ARHGAP32: variants seen among roughly 807,000 people sequenced by gnomAD.
ARHGAP32 encodes rho GTPase-activating protein 32.
A neutral mutation model predicts 186.5 loss-of-function variants in ARHGAP32; 51 were observed. The observed-to-expected ratio is 0.27, with a 90% confidence interval of 0.22 to 0.35. The LOEUF is 0.35. Among genes scored for constraint, ARHGAP32 ranks in the 10% least tolerant of loss-of-function variants. The pLI, the probability that ARHGAP32 is intolerant of heterozygous loss-of-function variation, is 1.00. For missense variants in ARHGAP32, 2,186 were observed against 2,623.5 expected, an observed-to-expected ratio of 0.83 and a Z score of 3.64; for synonymous variants, 950 against 964.3, an observed-to-expected ratio of 0.99 and a Z score of 0.27.
chr11:129,255,539 A>C (rs1945243824), intron 1 of ARHGAP32, among the ~76,000 whole-genome samples: 1 of 152,092 alleles, frequency 6.6e-6, no homozygotes, highest in Non-Finnish European at 1.5e-5. Context: ...GATACACTGG[A>C]CTATATTAAG....
intron 1 of ARHGAP32, among the ~76,000 whole-genome samples, chr11:129,233,451 A>G (rs1376021726): frequency 3.3e-5 from 5 of 152,206 alleles, no homozygotes; most frequent in African/African-American, 1.2e-4. Context: ...TGGTGTGAAT[A>G]CAAAATAATA....
chr11:129,182,641 A>G (rs61911018), intron 1 of ARHGAP32, among the ~76,000 whole-genome samples: 2 of 147,548 alleles, frequency 1.4e-5, no homozygotes, highest in Non-Finnish European at 3.0e-5. Flanking sequence ...TATGTTTTCT[A>G]TTACCTTTTT....
chr11:128,968,703 CA>C lies in ARHGAP32; in HGVS notation c.*203del, dbSNP rs2136054624. 4.7e-6 allele frequency: 2 copies of C among 429,230 alleles called. No homozygotes were observed. The highest frequency in any genetic ancestry group is 2.1e-4 in the South Asian group (2 of 9,312). The allele number at this position is 429,230 out of a possible 1,614,324, so 26.6% of individuals were successfully genotyped here. On this transcript the variant is annotated 3_prime_UTR_variant, in exon 23 of 23. Coordinates refer to ENST00000682385, the MANE Select transcript of ARHGAP32 (RefSeq NM_001378024.1). The stretch of plus-strand genomic sequence containing the variant: ...CCATCCTTCAGATCTTTTCTAAAGA[CA>C]AAAATGACAAAGTCTATAGATGGAA...
chr11:129,224,814 C>T (rs10458994), intron 1 of ARHGAP32, among the ~76,000 whole-genome samples: 29,481 of 149,030 alleles, frequency 0.2, 3,101 homozygotes, highest in Non-Finnish European at 0.23. Flanking sequence ...CAAGCATTTG[C>T]CTAAAATATT....
intron 6 of ARHGAP32, among the ~76,000 whole-genome samples, chr11:129,082,458 A>G (rs1158241560): frequency 1.3e-5 from 2 of 152,176 alleles, no homozygotes; most frequent in Non-Finnish European, 2.9e-5. Flanking sequence ...AAATACAGCT[A>G]ACTGATCTTT....
intron 11 of ARHGAP32, among the ~76,000 whole-genome samples, chr11:129,032,525 G>A (rs1939158840): frequency 6.6e-6 from 1 of 152,108 alleles, no homozygotes; most frequent in Non-Finnish European, 1.5e-5. Context: ...TTTATAATGG[G>A]ATTTTACTGT....
At chr11:129,068,311 T>C (rs1160754030) in intron 6 of ARHGAP32, among the ~76,000 whole-genome samples, 1 of 152,098 alleles carries the variant, frequency 6.6e-6, no homozygotes, top group East Asian at 1.9e-4. Context: ...TGAATGTTCC[T>C]TTCCTTGCCT....
chr11:128,975,071 A>G (rs1754829927), intron 20 of ARHGAP32, 69 bp from the exon 21 acceptor site: 3 of 1,297,352 alleles, frequency 2.3e-6, no homozygotes, highest in Non-Finnish European at 3.2e-6. Flanking sequence ...TAAGTCACCT[A>G]CTCAGCACAG....
At chr11:129,092,147 A>C (rs1437280815) in intron 6 of ARHGAP32, among the ~76,000 whole-genome samples, 2 of 152,032 alleles carry the variant, frequency 1.3e-5, no homozygotes, top group Non-Finnish European at 2.9e-5. Flanking sequence ...TGAATATAAA[A>C]ATCAAGTAAC....
At chr11:129,124,068 T>C (rs1942599578) in intron 3 of ARHGAP32, 139 bp from the exon 4 acceptor site, 11 of 399,252 alleles carry the variant, frequency 2.8e-5, no homozygotes, top group Non-Finnish European at 4.2e-5. Flanking sequence ...ATAGTCCTTG[T>C]TCAAAATGGC....
chr11:129,096,964 T>C (rs1454406463), intron 5 of ARHGAP32, among the ~76,000 whole-genome samples: 2 of 152,094 alleles, frequency 1.3e-5, no homozygotes, highest in African/African-American at 4.8e-5. Flanking sequence ...AAGAAGACAT[T>C]AAGTTCCAAC....
At chr11:129,178,146 C>T (rs866205767) in intron 1 of ARHGAP32, among the ~76,000 whole-genome samples, 2 of 151,354 alleles carry the variant, frequency 1.3e-5, no homozygotes, top group South Asian at 2.1e-4. Context: ...TATACACCAA[C>T]AACAGACAAA....
intron 5 of ARHGAP32, among the ~76,000 whole-genome samples, chr11:129,111,028 C>T (rs1053060260): frequency 7.2e-5 from 11 of 152,126 alleles, no homozygotes; most frequent in African/African-American, 2.4e-4. Flanking sequence ...AGGCTTTCAT[C>T]TTTTCCCCAT....
Position 129,093,669 on chromosome 11 carries a change from AT to A in ARHGAP32, c.482del (p.Asn161MetfsTer58). On this transcript the variant is annotated frameshift_variant, in exon 6 of 23. Transcript: ENST00000682385. LOFTEE classifies it high-confidence loss of function. ...LSEEQNEVMK[N>X]GCESKELVYL... ...AGACCAGCTCTTTAGATTCACAGCCATTTTTCATTACTTCATTCTGTTCTTC... is the reference window on the plus strand; with the variant it reads ...AGACCAGCTCTTTAGATTCACAGCCATTTTCATTACTTCATTCTGTTCTTC... 2 of 1,603,966 alleles carry A rather than the reference AT, an allele frequency of 1.2e-6. No individual in the cohort carries two copies. The highest frequency in any genetic ancestry group is 1.7e-6 in the Non-Finnish European group (2 of 1,174,734).
rs533475571 is a variant in ARHGAP32, at chr11:129,036,295, G to A, written c.1045+4633C>T. ...CTCGGGAGGCTAAGGCAGGAGAATC[G>A]CTTGAACCTAGGAGGCGGAGGTTGC... On this transcript the variant is annotated intron_variant, in intron 11 of 22. Coordinates refer to ENST00000682385, the MANE Select transcript of ARHGAP32 (RefSeq NM_001378024.1). 1.5e-4 allele frequency among the ~76,000 whole-genome samples: 21 copies of A among 142,356 alleles called. No homozygotes were observed. In the South Asian group the frequency reaches 2.5e-3, roughly 17 times the overall value. 93.4% of individuals were successfully genotyped at this position (142,356 alleles called of 152,430 possible).
At chr11:129,112,574 A>G (rs1230031884) in intron 5 of ARHGAP32, among the ~76,000 whole-genome samples, 1 of 152,084 alleles carries the variant, frequency 6.6e-6, no homozygotes, top group Non-Finnish European at 1.5e-5. Context: ...TTCCATGCAG[A>G]TATCCTTTCT....
upstream of ARHGAP32, among the ~76,000 whole-genome samples, chr11:129,193,611 AT>A (rs1778392159): frequency 1.3e-5 from 1 of 77,346 alleles, no homozygotes; most frequent in South Asian, 2.8e-4. Context: ...ATAATATATA[AT>A]ATATGTTATA....
chr11:129,228,479 T>C (rs1004242203), intron 1 of ARHGAP32, among the ~76,000 whole-genome samples: 2 of 152,192 alleles, frequency 1.3e-5, no homozygotes, highest in Non-Finnish European at 2.9e-5. Context: ...CAAAATTAAC[T>C]ATTTTTAACC....
intron 5 of ARHGAP32, among the ~76,000 whole-genome samples, chr11:129,095,104 T>A (rs1941694415): frequency 6.6e-6 from 1 of 152,180 alleles, no homozygotes; most frequent in South Asian, 2.1e-4. Flanking sequence ...ATAACAATCA[T>A]TTTCCCATTA....
Sources: gnomAD v4.1 joint callset for allele counts (sites outside exome capture counted in the v4.1 genomes callset) on GRCh38, gnomAD v4.1.1 for gene constraint, MANE v1.5 for transcripts, NCBI Gene and HGNC (gene_info 2026-07-23, HGNC 2026-07-21) for gene names.